The following CDHR3 variants were observed in gnomAD, a reference collection of about 807,000 sequenced individuals.
CDHR3 encodes the protein cadherin-related family member 3.
Under a neutral mutation model 86.6 loss-of-function variants are expected in CDHR3, and 79 were observed. That is an observed-to-expected ratio of 0.91 (90% confidence interval 0.76 to 1.10). CDHR3 has a LOEUF of 1.10. CDHR3 is among the 50% of genes least tolerant of loss of function. The pLI is 0.00. For synonymous variants in CDHR3, 421 were observed against 402.4 expected (o/e 1.05, Z -0.55); for missense variants, 1,081 against 1,077.6 (o/e 1.00, Z -0.04).
chr7:106,022,085 C>A, intron 13 of CDHR3, 113 bp from the exon 14 acceptor site: 1 of 1,314,232 alleles, frequency 7.6e-7, no homozygotes, highest in Non-Finnish European at 1.1e-6. Flanking sequence ...ACACAGTCTA[C>A]ACTTGAGGTG....
intron 12 of CDHR3, 145 bp downstream of exon 12, chr7:106,018,217 T>C (rs1357221097): frequency 1.5e-6 from 1 of 657,148 alleles, no homozygotes; most frequent in Non-Finnish European, 2.6e-6. Context: ...AAAGGTGCCC[T>C]GGGAAATAAA....
rs1829690211 is a variant in CDHR3, at chr7:105,981,250, G to T, written c.415+117G>T. 6.4e-6 allele frequency: 6 copies of T among 937,048 alleles called. No individual in the cohort carries two copies. The Admixed American group carries it at 1.7e-4, about 27-fold the overall frequency. The allele number at this position is 937,048 out of a possible 1,614,324, so 58.0% of individuals were successfully genotyped here. A position where few individuals can be genotyped will look rare whatever the true frequency, so the allele number is the denominator to read the frequency against. ...AGCAGCTGTTTCCCTGGAAAAGGCA[G>T]CTGCTTAATGAGCAGGGAATAAATG... On this transcript the variant is annotated intron_variant, in intron 3 of 18. Coordinates refer to ENST00000317716, the MANE Select transcript of CDHR3 (RefSeq NM_152750.5).
intron 1 of CDHR3, among the ~76,000 whole-genome samples, chr7:105,971,271 G>A (rs1475866450): frequency 6.6e-6 from 1 of 152,152 alleles, no homozygotes; most frequent in South Asian, 2.1e-4. Context: ...TGGCACACAC[G>A]GCCTTGCCCT....
chr7:105,977,895 G>T (rs745723188), intron 2 of CDHR3, among the ~76,000 whole-genome samples: 2 of 152,202 alleles, frequency 1.3e-5, no homozygotes, highest in Non-Finnish European at 2.9e-5. Context: ...GTGAGGAGGA[G>T]TAATGATAAT....
At chr7:106,022,694 GT>G (rs2115888813) in intron 14 of CDHR3, among the ~76,000 whole-genome samples, 1 of 152,328 alleles carries the variant, frequency 6.6e-6, no homozygotes, top group Admixed American at 6.5e-5. Flanking sequence ...AGAGTGTGTT[GT>G]TTGTGCAGAG....
intron 14 of CDHR3, 131 bp downstream of exon 14, chr7:106,022,579 C>A: frequency 3.0e-6 from 4 of 1,332,386 alleles, no homozygotes; most frequent in Non-Finnish European, 4.1e-6. Context: ...CCAAAAATGG[C>A]AACCATGGGC....
intron 18 of CDHR3, 60 bp from the exon 19 acceptor site, chr7:106,032,333 G>T (rs1194140202): frequency 6.7e-7 from 1 of 1,484,752 alleles, no homozygotes; most frequent in Non-Finnish European, 9.1e-7. Flanking sequence ...TAGAAGTGGG[G>T]GAAGAGACAG....
At chr7:105,978,730 C>T (rs1829195002) in intron 2 of CDHR3, among the ~76,000 whole-genome samples, 1 of 152,154 alleles carries the variant, frequency 6.6e-6, no homozygotes, top group South Asian at 2.1e-4. Flanking sequence ...ACAACGAGAA[C>T]AGTTTTTCCA....
At chr7:105,978,980 T>A (rs1276013282) in intron 2 of CDHR3, among the ~76,000 whole-genome samples, 1 of 152,104 alleles carries the variant, frequency 6.6e-6, no homozygotes, top group East Asian at 1.9e-4. Context: ...TGAGAGGGGA[T>A]CATCTCAACA....
At position 106,034,815 on chromosome 7, in the gene CDHR3, T is replaced by C. The variant is rs551588001; in HGVS notation, c.*2118T>C. On this transcript the variant is annotated 3_prime_UTR_variant, in exon 19 of 19. Coordinates refer to ENST00000317716, the MANE Select transcript of CDHR3 (RefSeq NM_152750.5). ...TAAAAGGGCCGGGTGAGGTGGCTCATGCCTGTAATCCCAGCACTCTGGGAG... is the reference window on the plus strand; with the variant it reads ...TAAAAGGGCCGGGTGAGGTGGCTCACGCCTGTAATCCCAGCACTCTGGGAG... 8.5e-4 allele frequency among the ~76,000 whole-genome samples: 129 copies of C among 152,358 alleles called. No homozygotes were observed. Among genetic ancestry groups the C allele is most frequent in the African/African-American group, 2.9e-3 (120 of 41,594 alleles).
At position 106,022,353 on chromosome 7, in the gene CDHR3, A is replaced by G. The variant is rs573764282; in HGVS notation, c.1981A>G (p.Arg661Gly). ...YVTDDNLMSD[R>G]KKAEALVETG... is the part of the protein sequence containing the mutation. ...AACTGATGACAACTTGATGTCTGAC[A>G]GGAAGAAAGCGGAGGCTCTTGTTGA... is the stretch of plus-strand genomic sequence containing the variant. Residue 661 changes from arginine to glycine, a missense_variant, in exon 14 of 19, where the codon AGG (arginine) becomes GGG (glycine). Transcript: ENST00000317716. 5.0e-6 allele frequency: 8 copies of G among 1,614,064 alleles called. No individual in the cohort carries two copies. In the South Asian group the frequency reaches 5.5e-5, roughly 11 times the overall value.
At chr7:105,999,330 G>A (rs890118297) in intron 6 of CDHR3, among the ~76,000 whole-genome samples, 33 of 152,172 alleles carry the variant, frequency 2.2e-4, no homozygotes, top group African/African-American at 7.5e-4. Flanking sequence ...GAGCTGCATC[G>A]TGGCCAGTAG....
At chr7:106,017,582 C>T (rs961238587) in intron 11 of CDHR3, among the ~76,000 whole-genome samples, 1 of 151,330 alleles carries the variant, frequency 6.6e-6, no homozygotes, top group Admixed American at 6.6e-5. Context: ...CACACACACA[C>T]ACACACACAC....
chr7:105,966,068 C>G (rs1001939258), intron 1 of CDHR3, among the ~76,000 whole-genome samples: 1 of 152,136 alleles, frequency 6.6e-6, no homozygotes, highest in South Asian at 2.1e-4. Context: ...AAGGGAGGCT[C>G]TACAAGAATA....
intron 3 of CDHR3, among the ~76,000 whole-genome samples, 164 bp downstream of exon 3, chr7:105,981,297 TC>T (rs1294189080): frequency 1.3e-5 from 2 of 152,120 alleles, no homozygotes; most frequent in Admixed American, 6.6e-5. Context: ...AGCTCAACAC[TC>T]CCAATAATAA....
intron 8 of CDHR3, among the ~76,000 whole-genome samples, chr7:106,009,669 C>CT (rs1834479380): frequency 2.0e-5 from 3 of 152,244 alleles, no homozygotes; most frequent in South Asian, 2.1e-4. Context: ...CCCCCTGCTG[C>CT]CCGCGCGGGC....
At chr7:106,031,138 C>T (rs548324325) in intron 18 of CDHR3, among the ~76,000 whole-genome samples, 1 of 152,322 alleles carries the variant, frequency 6.6e-6, no homozygotes, top group Admixed American at 6.5e-5. Flanking sequence ...AATTACAAAC[C>T]AGTTGAGGGA....
chr7:106,034,902 A>G lies in CDHR3; in HGVS notation c.*2205A>G, dbSNP rs991487489. On this transcript the variant is annotated 3_prime_UTR_variant, in exon 19 of 19. Coordinates refer to ENST00000317716, the MANE Select transcript of CDHR3 (RefSeq NM_152750.5). ...AGACCAGCCTGGCCAACATGGTGAA[A>G]CCCTGTCTCTACTAAAAAATAGAAA... Among the ~76,000 whole-genome samples, 1 of 152,096 alleles carries G rather than the reference A, an allele frequency of 6.6e-6. No homozygotes were observed. Among genetic ancestry groups the G allele is most frequent in the Non-Finnish European group, 1.5e-5 (1 of 68,010 alleles).
At chr7:105,968,476 T>C (rs940492030) in intron 1 of CDHR3, among the ~76,000 whole-genome samples, 2 of 152,090 alleles carry the variant, frequency 1.3e-5, no homozygotes, top group African/African-American at 2.4e-5. Flanking sequence ...TTCTCCTGCC[T>C]CAGCCTCCCA....
Sources: allele counts gnomAD v4.1 joint callset (sites outside exome capture counted in the v4.1 genomes callset), GRCh38; gene constraint gnomAD v4.1.1; transcripts MANE v1.5; gene names NCBI Gene and HGNC (gene_info 2026-07-23, HGNC 2026-07-21).